HTR3B: variants seen among roughly 807,000 people sequenced by gnomAD.
HTR3B encodes the protein 5-hydroxytryptamine (serotonin) receptor 3B, ionotropic.
A neutral mutation model predicts 42.8 loss-of-function variants in HTR3B; 44 were observed. The ratio of observed to expected loss-of-function variants is 1.03; its 90% CI spans 0.81 to 1.32. The LOEUF (loss-of-function observed/expected upper bound fraction) is 1.32. Ranked by LOEUF, HTR3B falls within the 40% of genes most tolerant of loss-of-function variation. The pLI is 0.00. For missense variants in HTR3B, 527 were observed against 536.5 expected (o/e 0.98, Z 0.17); for synonymous variants, 203 against 209.0 (o/e 0.97, Z 0.25).
rs1485313903 is a variant in HTR3B at position 113,906,551 on chromosome 11, C to A, written c.52+1566C>A. Among the ~76,000 whole-genome samples, 3 of 152,144 alleles carry A rather than the reference C, an allele frequency of 2.0e-5. No homozygotes were observed. The South Asian group carries it at 6.2e-4, about 31-fold the overall frequency. On this transcript the variant is annotated intron_variant, in intron 1 of 8. Transcript: ENST00000260191. ...AAACACATGCAGAAAATACCACTGG[C>A]TATTTCTGTCCAATAATATACTCCA...
chr11:113,900,820 A>G (rs957250051), upstream of HTR3B, among the ~76,000 whole-genome samples: 1 of 152,114 alleles, frequency 6.6e-6, no homozygotes, highest in African/African-American at 2.4e-5. Flanking sequence ...ACTTACAATC[A>G]TGGTGGAAGG....
intron 6 of HTR3B, among the ~76,000 whole-genome samples, chr11:113,936,065 A>T (rs1159473607): frequency 6.6e-6 from 1 of 152,078 alleles, no homozygotes; most frequent in Non-Finnish European, 1.5e-5. Flanking sequence ...CCCTACAAAG[A>T]TGTCTGTGTA....
chr11:113,932,807 A>G, intron 5 of HTR3B, 129 bp from the exon 6 acceptor site: 1 of 892,026 alleles, frequency 1.1e-6, no homozygotes. Context: ...CCTAATTCAA[A>G]TAAGGCCAAG....
At chr11:113,921,440 G>C (rs541075186) in intron 2 of HTR3B, among the ~76,000 whole-genome samples, 10 of 151,912 alleles carry the variant, frequency 6.6e-5, no homozygotes, top group Admixed American at 3.9e-4. Context: ...CACTGCACCC[G>C]GCCCCTTCGT....
At chr11:113,905,866 T>A (rs892116632) in intron 1 of HTR3B, among the ~76,000 whole-genome samples, 1 of 152,068 alleles carries the variant, frequency 6.6e-6, no homozygotes, top group East Asian at 1.9e-4. Context: ...TTTTATTGGG[T>A]AGAGAAGAAA....
rs1289880225 is a variant in HTR3B at position 113,948,868 on chromosome 11, A to AC, written c.*2731_*2732insC. Among the ~76,000 whole-genome samples the AC allele has an allele frequency of 6.6e-6, 1 of 151,836 alleles. No homozygotes were observed. Among genetic ancestry groups the AC allele is most frequent in the Admixed American group, 6.6e-5 (1 of 15,236 alleles). On this transcript the variant is annotated 3_prime_UTR_variant, in exon 9 of 9. Coordinates refer to ENST00000260191, the MANE Select transcript of HTR3B (RefSeq NM_006028.5). ...ACAAGAGCTAAACTCTATCTCAAAA[A>AC]AAAAAAAAAGTTTAAAGTGCTTTGG...
chr11:113,913,185 TTC>T (rs935692387), intron 2 of HTR3B, among the ~76,000 whole-genome samples: 1 of 150,656 alleles, frequency 6.6e-6, no homozygotes, highest in Non-Finnish European at 1.5e-5. Context: ...TCCCCAAAAT[TTC>T]TTTCTTTCTT....
At chr11:113,915,103 G>A (rs1478803555) in intron 2 of HTR3B, among the ~76,000 whole-genome samples, 1 of 151,762 alleles carries the variant, frequency 6.6e-6, no homozygotes, top group Non-Finnish European at 1.5e-5. Flanking sequence ...GGTAATTTGT[G>A]TTTTCTCATA....
At chr11:113,901,665 G>A (rs3891485), upstream of HTR3B, among the ~76,000 whole-genome samples, 3,830 of 152,238 alleles carry the variant, frequency 0.025, 174 homozygotes, top group African/African-American at 0.089. Context: ...ATAATGGGCA[G>A]GATTACTAGA....
At chr11:113,933,210 G>A (rs1950055837) in intron 6 of HTR3B, 117 bp downstream of exon 6, 1 of 1,023,342 alleles carries the variant, frequency 9.8e-7, no homozygotes, top group Non-Finnish European at 1.4e-6. Flanking sequence ...CCCAAGAACA[G>A]GGACTTCAGC....
intron 1 of HTR3B, among the ~76,000 whole-genome samples, chr11:113,905,734 T>C (rs1949729149): frequency 6.6e-6 from 1 of 152,220 alleles, no homozygotes; most frequent in Non-Finnish European, 1.5e-5. Flanking sequence ...CACCCCACTT[T>C]CTTGAGGTTT....
intron 2 of HTR3B, among the ~76,000 whole-genome samples, chr11:113,911,950 C>T (rs1196311871): frequency 2.0e-5 from 3 of 152,128 alleles, no homozygotes; most frequent in Admixed American, 1.3e-4. Flanking sequence ...TTTCTTTGAG[C>T]AGTGATTAGT....
intron 2 of HTR3B, among the ~76,000 whole-genome samples, chr11:113,924,253 C>T (rs923723633): frequency 1.3e-5 from 2 of 152,034 alleles, no homozygotes; most frequent in Non-Finnish European, 2.9e-5. Context: ...TGCAACCAAG[C>T]CTAGAATGGA....
At chr11:113,945,219 C>G (rs1431675723) in intron 8 of HTR3B, among the ~76,000 whole-genome samples, 1 of 152,208 alleles carries the variant, frequency 6.6e-6, no homozygotes, top group Non-Finnish European at 1.5e-5. Flanking sequence ...ACTGCAGCCT[C>G]TGCCTCCCAG....
At chr11:113,901,084 G>T (rs766873895), upstream of HTR3B, among the ~76,000 whole-genome samples, 3 of 152,288 alleles carry the variant, frequency 2.0e-5, no homozygotes, top group Non-Finnish European at 2.9e-5. Context: ...ATGTAAGATA[G>T]TGAGGAGGGA....
chr11:113,925,417 GTTTTTTT>G (rs201996305), intron 2 of HTR3B, among the ~76,000 whole-genome samples: 3,555 of 100,672 alleles, frequency 0.035, 64 homozygotes, highest in Admixed American at 0.062. Flanking sequence ...TTACGAATTT[GTTTTTTT>G]TTTTTTTTTT....
intron 2 of HTR3B, among the ~76,000 whole-genome samples, chr11:113,916,968 T>C (rs568895954): frequency 2.6e-4 from 40 of 152,292 alleles, no homozygotes; most frequent in Non-Finnish European, 5.3e-4. Flanking sequence ...ATGTTGTCTG[T>C]GAGGAAAATC....
chr11:113,920,186 G>A (rs1323668518), intron 2 of HTR3B, among the ~76,000 whole-genome samples: 3 of 150,650 alleles, frequency 2.0e-5, no homozygotes, highest in Admixed American at 6.6e-5. Context: ...GTGCCACCAC[G>A]CCAGGCTAAT....
rs1278096858 is a variant in HTR3B at position 113,933,086 on chromosome 11, A to G, written c.689A>G (p.Gln230Arg). The G allele has an allele frequency of 1.2e-6, 2 of 1,613,110 alleles. No homozygotes were observed. The highest frequency in any genetic ancestry group is 2.2e-5 in the East Asian group (1 of 44,862). Residue 230 changes from glutamine (Q) to arginine (R), a missense_variant, in exon 6 of 9, where the codon CAG becomes CGG. By Grantham distance (43) the Gln-to-Arg change is conservative. Transcript: ENST00000260191. ...QSSAGGFAQIQFNVVMRRHPL... is the reference protein window; with the variant it reads ...QSSAGGFAQIRFNVVMRRHPL... ...AGCGCTGGAGGATTTGCACAGATTC[A>G]GTTTAATGTAGGTTCTTTACTACCT...
Sources: gnomAD v4.1 joint callset for allele counts (sites outside exome capture counted in the v4.1 genomes callset) on GRCh38, gnomAD v4.1.1 for gene constraint, MANE v1.5 for transcripts, NCBI Gene and HGNC (gene_info 2026-07-23, HGNC 2026-07-21) for gene names.